The following CNTN1 variants were observed in gnomAD, a reference collection of about 807,000 sequenced individuals.
CNTN1 encodes the protein contactin-1.
In CNTN1, 38 loss-of-function variants were observed where a neutral mutation model predicts 126.4. The ratio of observed to expected loss-of-function variants is 0.30; its 90% confidence interval spans 0.23 to 0.39. The LOEUF (loss-of-function observed/expected upper bound fraction) is 0.39, where lower values mean the gene tolerates loss of function less well. Ranked by LOEUF, CNTN1 falls within the 10% of genes least tolerant of loss-of-function variation. The pLI is 1.00. For missense variants in CNTN1, 1,009 were observed against 1,248.4 expected (o/e 0.81, Z 2.89); for synonymous variants, 413 against 422.6 (o/e 0.98, Z 0.28).
At chr12:40,925,819 T>C (rs1945653513) in intron 6 of CNTN1, among the ~76,000 whole-genome samples, 2 of 104,654 alleles carry the variant, frequency 1.9e-5, no homozygotes. Context: ...TATATATATA[T>C]ATATATATAT....
At chr12:40,983,471 G>C (rs1220763677) in intron 16 of CNTN1, among the ~76,000 whole-genome samples, 1 of 114,746 alleles carries the variant, frequency 8.7e-6, no homozygotes, top group African/African-American at 3.1e-5. Context: ...TATTCACCGT[G>C]TGTGTGTGTG....
chr12:40,763,637 C>G (rs1189360461), intron 1 of CNTN1, among the ~76,000 whole-genome samples: 2 of 152,092 alleles, frequency 1.3e-5, no homozygotes, highest in African/African-American at 4.8e-5. Flanking sequence ...CCACAGAAGG[C>G]TTTGTAGGCC....
At chr12:40,954,260 G>A (rs1946789858) in intron 14 of CNTN1, among the ~76,000 whole-genome samples, 1 of 151,850 alleles carries the variant, frequency 6.6e-6, no homozygotes, top group African/African-American at 2.4e-5. Context: ...TTATATTATT[G>A]AATATTTAGT....
At chr12:41,057,486 T>C (rs1214619236) in intron 23 of CNTN1, among the ~76,000 whole-genome samples, 1 of 151,978 alleles carries the variant, frequency 6.6e-6, no homozygotes, top group African/African-American at 2.4e-5. Flanking sequence ...TTTTGATATG[T>C]ATTAAAAAAT....
In CNTN1 at chr12:41,028,153, T is replaced by C. The variant is rs189519111; in HGVS notation, c.2823+184T>C. Among the ~76,000 whole-genome samples the C allele has an allele frequency of 3.9e-3, 601 of 152,196 alleles. 7 individuals are homozygous for C. The highest frequency in any genetic ancestry group is 0.014 in the African/African-American group (579 of 41,520). The stretch of plus-strand genomic sequence containing the variant: ...TTCAAGTGATTCTCCTGCCTCAGCC[T>C]CCCAAGTAGCTGGGATTACAGGTGC... On this transcript the variant is annotated intron_variant, in intron 22 of 23. Coordinates refer to ENST00000551295, the MANE Select transcript of CNTN1 (RefSeq NM_001843.4).
At chr12:40,747,490 G>A (rs1267656935) in intron 1 of CNTN1, among the ~76,000 whole-genome samples, 1 of 152,064 alleles carries the variant, frequency 6.6e-6, no homozygotes, top group Non-Finnish European at 1.5e-5. Context: ...CAGAGCACAA[G>A]TGATGAGGTG....
At chr12:40,713,484 TACTC>T (rs1022839640) in intron 1 of CNTN1, among the ~76,000 whole-genome samples, 40 of 151,510 alleles carry the variant, frequency 2.6e-4, no homozygotes, top group African/African-American at 8.2e-4. Flanking sequence ...AGAATAAACT[TACTC>T]AGTGATTTCT....
At chr12:40,860,399 T>G (rs1477455271) in intron 1 of CNTN1, among the ~76,000 whole-genome samples, 1 of 152,140 alleles carries the variant, frequency 6.6e-6, no homozygotes, top group Non-Finnish European at 1.5e-5. Context: ...AATTCAATTG[T>G]GCCTTTAATT....
At position 40,902,625 on chromosome 12, in the gene CNTN1, T is replaced by C. The variant is rs559445536; in HGVS notation, c.-76-5732T>C. On this transcript the variant is annotated intron_variant, in intron 1 of 23. Coordinates refer to ENST00000551295, the MANE Select transcript of CNTN1 (RefSeq NM_001843.4). The stretch of plus-strand genomic sequence containing the variant: ...ATGACCATTTGCTGATATATATGAA[T>C]ATTTCTTCAATATTCTTGAGATGTT... 5.3e-5 allele frequency among the ~76,000 whole-genome samples: 8 copies of C among 152,320 alleles called. No homozygotes were observed. The South Asian group carries it at 1.5e-3, about 28-fold the overall frequency.
chr12:41,030,637 T>G (rs1440657138), intron 23 of CNTN1, among the ~76,000 whole-genome samples: 1 of 152,062 alleles, frequency 6.6e-6, no homozygotes, highest in Non-Finnish European at 1.5e-5. Context: ...CTCATTAAAG[T>G]TTTTTTCTAT....
chr12:40,860,622 T>C (rs543775922), intron 1 of CNTN1, among the ~76,000 whole-genome samples: 2 of 152,238 alleles, frequency 1.3e-5, no homozygotes, highest in South Asian at 4.2e-4. Context: ...CAGTTTATTA[T>C]GATGGATGCA....
At chr12:40,701,504 A>G (rs1206267711) in intron 1 of CNTN1, among the ~76,000 whole-genome samples, 1 of 152,148 alleles carries the variant, frequency 6.6e-6, no homozygotes, top group Non-Finnish European at 1.5e-5. Flanking sequence ...GATGAATATT[A>G]TAAATAATAT....
rs192356563 is a variant in CNTN1, at chr12:41,002,808, C to T, written c.2113+9539C>T. ...TCCTGACCTCGTGATCCGCCTGCCT[C>T]GGCCTCCCAAAGTGCTGGGATTACA... On this transcript the variant is annotated intron_variant, in intron 17 of 23. Transcript: ENST00000551295. Among the ~76,000 whole-genome samples the T allele has an allele frequency of 7.5e-4, 114 of 152,210 alleles. 3 individuals are homozygous for T. In the East Asian group the frequency reaches 0.019, roughly 25 times the overall value.
intron 16 of CNTN1, among the ~76,000 whole-genome samples, chr12:40,981,685 C>T (rs1220420883): frequency 6.6e-6 from 1 of 152,022 alleles, no homozygotes; most frequent in African/African-American, 2.4e-5. Flanking sequence ...ACAACTTTGC[C>T]ATTTGTCATG....
intron 19 of CNTN1, among the ~76,000 whole-genome samples, chr12:41,019,566 T>C (rs1948859259): frequency 6.6e-6 from 1 of 152,146 alleles, no homozygotes; most frequent in African/African-American, 2.4e-5. Context: ...ACAATAAAAA[T>C]TGATCACCCC....
At chr12:41,000,958 T>C (rs577704703) in intron 17 of CNTN1, among the ~76,000 whole-genome samples, 3 of 152,332 alleles carry the variant, frequency 2.0e-5, no homozygotes, top group South Asian at 2.1e-4. Flanking sequence ...GCAAAGTACA[T>C]GGTCTTGTTC....
At chr12:41,042,636 T>C (rs1431820941) in intron 23 of CNTN1, among the ~76,000 whole-genome samples, 1 of 152,044 alleles carries the variant, frequency 6.6e-6, no homozygotes, top group Non-Finnish European at 1.5e-5. Flanking sequence ...CTTCACAGAA[T>C]TGGAAAAAAC....
chr12:40,977,557 T>C (rs1357359852), intron 15 of CNTN1, among the ~76,000 whole-genome samples: 2 of 147,598 alleles, frequency 1.4e-5, no homozygotes, highest in Non-Finnish European at 3.0e-5. Flanking sequence ...TAATAAGTGG[T>C]AAATGAATAC....
intron 23 of CNTN1, among the ~76,000 whole-genome samples, chr12:41,059,763 G>A (rs745369185): frequency 2.6e-5 from 4 of 152,086 alleles, no homozygotes; most frequent in Admixed American, 1.3e-4. Context: ...AGTGGCCTGA[G>A]CCTGTAATCC....
Sources: allele counts gnomAD v4.1 joint callset (sites outside exome capture counted in the v4.1 genomes callset), GRCh38; gene constraint gnomAD v4.1.1; transcripts MANE v1.5; gene names NCBI Gene and HGNC (gene_info 2026-07-23, HGNC 2026-07-21).